The following LIN28A variants were observed in gnomAD, a reference collection of about 807,000 sequenced individuals.
LIN28A encodes the protein lin-28 RNA binding posttranscriptional regulator A, also known as protein lin-28 homolog A.
Under a neutral mutation model 21.1 loss-of-function variants are expected in LIN28A, and 11 were observed. The ratio of observed to expected loss-of-function variants is 0.52; its 90% CI spans 0.33 to 0.86. The LOEUF (loss-of-function observed/expected upper bound fraction) is 0.86. Among genes scored for constraint, LIN28A ranks in the 40% least tolerant of loss-of-function variants. The pLI, the probability that LIN28A is intolerant of heterozygous loss-of-function variation, is 0.03. For synonymous variants in LIN28A, 111 were observed against 108.7 expected, an observed-to-expected ratio of 1.02 and a Z score of -0.13; for missense variants, 219 against 279.8, an observed-to-expected ratio of 0.78 and a Z score of 1.55.
intron 2 of LIN28A, among the ~76,000 whole-genome samples, chr1:26,419,039 C>T (rs1305451248): frequency 1.3e-5 from 2 of 151,668 alleles, no homozygotes; most frequent in Non-Finnish European, 2.9e-5. Flanking sequence ...TGGGGGAGCT[C>T]AGGCCATGCC....
chr1:26,429,217 C>T lies in LIN28A; in HGVS notation c.*2759C>T, dbSNP rs1376610714. 10 of 154,086 alleles carry T rather than the reference C, an allele frequency of 6.5e-5. No homozygotes were observed. The highest frequency in any genetic ancestry group is 5.9e-4 in the Admixed American group (9 of 15,298). 9.5% of individuals were successfully genotyped at this position (154,086 alleles called of 1,614,324 possible). A position where few individuals can be genotyped will look rare whatever the true frequency, so the allele number is the denominator to read the frequency against. On this transcript the variant is annotated 3_prime_UTR_variant, in exon 4 of 4. Coordinates refer to ENST00000326279, the MANE Select transcript of LIN28A (RefSeq NM_024674.6). ...ACTACTGTATTTTGGATGGATCAAACCTCCTTAATTTTAATTTCTAATCCT... is the reference window on the plus strand; with the variant it reads ...ACTACTGTATTTTGGATGGATCAAATCTCCTTAATTTTAATTTCTAATCCT...
chr1:26,428,791 G>A lies in LIN28A; in HGVS notation c.*2333G>A, dbSNP rs1185032299. 6.6e-6 allele frequency: 1 copy of A among 152,252 alleles called. No individual in the cohort carries two copies. The highest frequency in any genetic ancestry group is 1.5e-5 in the Non-Finnish European group (1 of 68,220). 9.4% of individuals were successfully genotyped at this position (152,252 alleles called of 1,614,324 possible). On this transcript the variant is annotated 3_prime_UTR_variant, in exon 4 of 4. Coordinates refer to ENST00000326279, the MANE Select transcript of LIN28A (RefSeq NM_024674.6). ...GACCTCAGGTGATCTGCCCACCTTG[G>A]CTTCCCAAAGTGCTGGGATTACAGG... is the stretch of plus-strand genomic sequence containing the variant.
chr1:26,421,383 G>C (rs1418067240), intron 2 of LIN28A, among the ~76,000 whole-genome samples: 3 of 152,106 alleles, frequency 2.0e-5, no homozygotes, highest in African/African-American at 7.2e-5. Flanking sequence ...TACACCAGTA[G>C]GTTATTTCCA....
chr1:26,423,665 G>T (rs936773517), intron 2 of LIN28A, among the ~76,000 whole-genome samples: 1 of 150,650 alleles, frequency 6.6e-6, no homozygotes, highest in Admixed American at 6.6e-5. Context: ...GCCCGCCTCG[G>T]CTTCCCAAAG....
At chr1:26,414,042 T>C (rs1371505644) in intron 2 of LIN28A, among the ~76,000 whole-genome samples, 2 of 152,232 alleles carry the variant, frequency 1.3e-5, no homozygotes, top group Non-Finnish European at 1.5e-5. Flanking sequence ...TTGGTCAGGC[T>C]GGTCTTGAAC....
intron 2 of LIN28A, among the ~76,000 whole-genome samples, chr1:26,412,454 C>T (rs1160790509): frequency 2.0e-5 from 3 of 152,172 alleles, no homozygotes; most frequent in Non-Finnish European, 4.4e-5. Flanking sequence ...CTCCCTCCTC[C>T]CAGGCTTCCC....
At chr1:26,424,330 C>T (rs1041641715) in intron 2 of LIN28A, among the ~76,000 whole-genome samples, 2 of 152,076 alleles carry the variant, frequency 1.3e-5, no homozygotes, top group Admixed American at 6.6e-5. Flanking sequence ...AAACCTCTGC[C>T]TCCGGGGTTC....
At position 26,429,155 on chromosome 1, in the gene LIN28A, A is replaced by C. The variant is rs926469548; in HGVS notation, c.*2697A>C. ...CACTCCAGCCTGGTTACAGAGCAAG[A>C]CTCTGTCTCAAACAAAACAAAACAA... On this transcript the variant is annotated 3_prime_UTR_variant, in exon 4 of 4. Coordinates refer to ENST00000326279, the MANE Select transcript of LIN28A (RefSeq NM_024674.6). 3.7e-5 allele frequency: 6 copies of C among 162,922 alleles called. No homozygotes were observed. Among genetic ancestry groups the C allele is most frequent in the African/African-American group, 1.4e-4 (6 of 41,620 alleles). The allele number at this position is 162,922 out of a possible 1,614,324, so 10.1% of individuals were successfully genotyped here.
At position 26,411,656 on chromosome 1, in the gene LIN28A, C is replaced by T; in HGVS notation, c.228+74C>T. The T allele has an allele frequency of 4.0e-6, 6 of 1,496,956 alleles. No individual in the cohort carries two copies. Among genetic ancestry groups the T allele is most frequent in the Non-Finnish European group, 5.5e-6 (6 of 1,095,524 alleles). The allele number at this position is 1,496,956 out of a possible 1,614,324, so 92.7% of individuals were successfully genotyped here. On this transcript the variant is annotated intron_variant, in intron 2 of 3. Transcript: ENST00000326279. This position sits in a 1 kb window ranked among gnomAD's most constrained non-coding sequence, Gnocchi z 5.4. ...CATATCCACGGGTGGGCTCCGGGCT[C>T]GCAGTTGAATTGAGGGCCATCGGGA...
Position 26,428,467 on chromosome 1 carries a change from AAAAT to A in LIN28A, c.*2011_*2014del, listed in dbSNP as rs2075073314. 6.6e-6 allele frequency: 1 copy of A among 152,148 alleles called. No individual in the cohort carries two copies. The highest frequency in any genetic ancestry group is 1.5e-5 in the Non-Finnish European group (1 of 68,036). The allele number at this position is 152,148 out of a possible 1,614,324, so 9.4% of individuals were successfully genotyped here. ...CCACAACTCTTAAATGATGTATGCA[AAAAT>A]ACTGAAGCTAGGAAAACCCTCCATC... On this transcript the variant is annotated 3_prime_UTR_variant, in exon 4 of 4. Transcript: ENST00000326279.
rs1383835130 is a variant in LIN28A, at chr1:26,426,665, G to A, written c.*207G>A. ...AACCATGCTCTGTCCAAATGCAAGTGAGGGTTCTGGGGGCAACCAGGAGGG... is the reference window on the plus strand; with the variant it reads ...AACCATGCTCTGTCCAAATGCAAGTAAGGGTTCTGGGGGCAACCAGGAGGG... On this transcript the variant is annotated 3_prime_UTR_variant, in exon 4 of 4. Coordinates refer to ENST00000326279, the MANE Select transcript of LIN28A (RefSeq NM_024674.6). 3.6e-6 allele frequency: 2 copies of A among 561,232 alleles called. No homozygotes were observed. The highest frequency in any genetic ancestry group is 6.5e-6 in the Non-Finnish European group (2 of 307,470). 34.8% of individuals were successfully genotyped at this position (561,232 alleles called of 1,614,324 possible).
At chr1:26,419,586 C>A (rs2075016873) in intron 2 of LIN28A, among the ~76,000 whole-genome samples, 1 of 152,128 alleles carries the variant, frequency 6.6e-6, no homozygotes, top group African/African-American at 2.4e-5. Flanking sequence ...TTAACCCACG[C>A]CACCCAGTGT....
chr1:26,412,039 G>T (rs192830354), intron 2 of LIN28A, among the ~76,000 whole-genome samples: 5 of 152,238 alleles, frequency 3.3e-5, no homozygotes, highest in Non-Finnish European at 5.9e-5. Context: ...GGACCCAAGG[G>T]GCGTAAAGCC....
Position 26,411,313 on chromosome 1 carries a change from C to A in LIN28A, c.32-73C>A. The A allele has an allele frequency of 7.1e-7, 1 of 1,406,878 alleles. No individual in the cohort carries two copies. The highest frequency in any genetic ancestry group is 9.4e-7 in the Non-Finnish European group (1 of 1,067,260). 87.1% of individuals were successfully genotyped at this position (1,406,878 alleles called of 1,614,324 possible). A position where few individuals can be genotyped will look rare whatever the true frequency, so the allele number is the denominator to read the frequency against. On this transcript the variant is annotated intron_variant, in intron 1 of 3. Coordinates refer to ENST00000326279, the MANE Select transcript of LIN28A (RefSeq NM_024674.6). This position sits in a 1 kb window ranked among gnomAD's most constrained non-coding sequence, Gnocchi z 5.4. ...CTTGTGGGGCTGGATACTCGGGTCT[C>A]CCTGCCTGGGGCCCGAGACGGCCCT...
intron 2 of LIN28A, among the ~76,000 whole-genome samples, chr1:26,417,578 C>G (rs1389047848): frequency 6.6e-6 from 1 of 152,162 alleles, no homozygotes; most frequent in Non-Finnish European, 1.5e-5. Context: ...CTGCACTCAG[C>G]TCAGCTCTTG....
Position 26,427,912 on chromosome 1 carries a change from G to A in LIN28A, c.*1454G>A, listed in dbSNP as rs2075069050. The A allele has an allele frequency of 6.6e-6, 1 of 152,564 alleles. No homozygotes were observed. Among genetic ancestry groups the A allele is most frequent in the African/African-American group, 2.4e-5 (1 of 41,406 alleles). The allele number at this position is 152,564 out of a possible 1,614,324, so 9.5% of individuals were successfully genotyped here. A position where few individuals can be genotyped will look rare whatever the true frequency, so the allele number is the denominator to read the frequency against. ...TAATAGTGTCATGGTAGCTAAAGGAGAAAAAGGGGGTTTCGTTTACACGCT... is the reference window on the plus strand; with the variant it reads ...TAATAGTGTCATGGTAGCTAAAGGAAAAAAAGGGGGTTTCGTTTACACGCT... On this transcript the variant is annotated 3_prime_UTR_variant, in exon 4 of 4. Coordinates refer to ENST00000326279, the MANE Select transcript of LIN28A (RefSeq NM_024674.6).
chr1:26,428,691 C>T lies in LIN28A; in HGVS notation c.*2233C>T, dbSNP rs2075075181. On this transcript the variant is annotated 3_prime_UTR_variant, in exon 4 of 4. Coordinates refer to ENST00000326279, the MANE Select transcript of LIN28A (RefSeq NM_024674.6). ...GAGTAGCTGGGATTTCAGGCACCCGCCACACTCAGCTAATTTTTGTATTTT... is the reference window on the plus strand; with the variant it reads ...GAGTAGCTGGGATTTCAGGCACCCGTCACACTCAGCTAATTTTTGTATTTT... 1.3e-5 allele frequency: 2 copies of T among 152,294 alleles called. No individual in the cohort carries two copies. The highest frequency in any genetic ancestry group is 3.9e-4 in the East Asian group (2 of 5,136). The allele number at this position is 152,294 out of a possible 1,614,324, so 9.4% of individuals were successfully genotyped here. A position where few individuals can be genotyped will look rare whatever the true frequency, so the allele number is the denominator to read the frequency against.
intron 3 of LIN28A, 107 bp from the exon 4 acceptor site, chr1:26,426,135 G>A: frequency 1.2e-6 from 1 of 829,890 alleles, no homozygotes; most frequent in Non-Finnish European, 2.0e-6. Flanking sequence ...TCTGGGAAGG[G>A]AAGTAAGTGA....
chr1:26,413,658 C>T (rs1439034587), intron 2 of LIN28A, among the ~76,000 whole-genome samples: 1 of 152,090 alleles, frequency 6.6e-6, no homozygotes, highest in Non-Finnish European at 1.5e-5. Context: ...TCACAAAGCA[C>T]AATGATGGGT....
Sources: gnomAD v4.1 joint callset for allele counts (sites outside exome capture counted in the v4.1 genomes callset) on GRCh38, gnomAD v4.1.1 for gene constraint, Gnocchi (gnomAD v3.1) non-coding constraint, MANE v1.5 for transcripts, NCBI Gene and HGNC (gene_info 2026-07-23, HGNC 2026-07-21) for gene names.